The following MACROD2 variants were observed in gnomAD, a reference collection of about 807,000 sequenced individuals.
The protein encoded by MACROD2 is mono-ADP ribosylhydrolase 2, also known as ADP-ribose glycohydrolase MACROD2.
MACROD2 carries 36 observed loss-of-function variants against 70.4 expected under a neutral mutation model. The ratio of observed to expected loss-of-function variants is 0.51; its 90% confidence interval spans 0.39 to 0.68. The LOEUF is 0.68. MACROD2 is among the 30% of genes least tolerant of loss of function. The pLI, the probability that MACROD2 is intolerant of heterozygous loss-of-function variation, is 0.00. For missense variants in MACROD2, 496 were observed against 538.4 expected (o/e 0.92, Z 0.78); for synonymous variants, 172 against 178.8 (o/e 0.96, Z 0.30).
chr20:15,020,905 A>G (rs1201568560), intron 5 of MACROD2, among the ~76,000 whole-genome samples: 1 of 151,296 alleles, frequency 6.6e-6, no homozygotes, highest in Admixed American at 6.6e-5. Flanking sequence ...GAAAAGGGAA[A>G]ACTATAGGAG....
chr20:14,433,568 G>T (rs2084020165), intron 3 of MACROD2, among the ~76,000 whole-genome samples: 1 of 152,150 alleles, frequency 6.6e-6, no homozygotes, highest in Non-Finnish European at 1.5e-5. Context: ...TCAGATGGAA[G>T]TTTGGTCATT....
chr20:15,955,403 A>ATGTACCATTGG (rs2065962438), intron 12 of MACROD2, among the ~76,000 whole-genome samples: 1 of 152,150 alleles, frequency 6.6e-6, no homozygotes, highest in Non-Finnish European at 1.5e-5. Flanking sequence ...GCTGTTACAA[A>ATGTACCATTGG]TGTACCATTC....
At chr20:14,857,930 C>T (rs1421960737) in intron 5 of MACROD2, among the ~76,000 whole-genome samples, 1 of 152,094 alleles carries the variant, frequency 6.6e-6, no homozygotes, top group East Asian at 1.9e-4. Context: ...AAGCGATTCT[C>T]CTGCCTCAGC....
intron 6 of MACROD2, among the ~76,000 whole-genome samples, chr20:15,230,405 G>C (rs1448070353): frequency 6.6e-6 from 1 of 152,154 alleles, no homozygotes; most frequent in Non-Finnish European, 1.5e-5. Context: ...TGCTGAGTTT[G>C]TTATGATAGC....
intron 5 of MACROD2, among the ~76,000 whole-genome samples, chr20:14,718,817 T>C (rs2071428306): frequency 6.6e-6 from 1 of 152,232 alleles, no homozygotes; most frequent in Admixed American, 6.5e-5. Flanking sequence ...TCAGTTCTAA[T>C]GTAGTATGTT....
intron 5 of MACROD2, among the ~76,000 whole-genome samples, chr20:14,975,159 A>G (rs989491491): frequency 1.3e-5 from 2 of 152,062 alleles, no homozygotes; most frequent in African/African-American, 4.8e-5. Flanking sequence ...GCAAATATCC[A>G]CCGGGGTGAG....
chr20:14,508,939 A>G (rs935614983), intron 4 of MACROD2, among the ~76,000 whole-genome samples: 2 of 152,154 alleles, frequency 1.3e-5, no homozygotes, highest in Non-Finnish European at 2.9e-5. Flanking sequence ...ACACAATGAA[A>G]ACAACCTAAA....
intron 2 of MACROD2, among the ~76,000 whole-genome samples, chr20:14,013,674 C>CTTTTTTTTTTTTTTTTTTT (rs34386274): frequency 1.4e-5 from 1 of 70,944 alleles, no homozygotes. Context: ...TTATATTAAG[C>CTTTTTTTTTTTTTTTTTTT]TTTTTTTTTT....
intron 8 of MACROD2, among the ~76,000 whole-genome samples, chr20:15,774,756 C>A (rs1402409614): frequency 1.3e-5 from 2 of 151,948 alleles, no homozygotes; most frequent in Non-Finnish European, 2.9e-5. Flanking sequence ...AAGGAATGAA[C>A]ATATTTTGCA....
intron 5 of MACROD2, among the ~76,000 whole-genome samples, chr20:14,862,249 TAA>T (rs1343824108): frequency 4.8e-5 from 1 of 20,954 alleles, no homozygotes; most frequent in African/African-American, 1.8e-4. Flanking sequence ...ATTTATATAT[TAA>T]TATATATAAA....
At chr20:14,810,884 A>G (rs2072701841) in intron 5 of MACROD2, among the ~76,000 whole-genome samples, 1 of 152,114 alleles carries the variant, frequency 6.6e-6, no homozygotes. Context: ...CTTACAAGGG[A>G]TGTGAAGGAC....
intron 5 of MACROD2, among the ~76,000 whole-genome samples, chr20:14,826,579 A>G (rs573969770): frequency 1.1e-4 from 17 of 152,150 alleles, no homozygotes; most frequent in Admixed American, 3.3e-4. Flanking sequence ...ATTGAGTTGC[A>G]TTCTGTTTTG....
rs542447511 is a variant in MACROD2, at chr20:15,914,167, G to T, written c.776-19109G>T. Reference sequence around the variant, plus strand: ...TTTTTCTAGAATGGCTGCCCTGTATGTAATTTAGGTTTTGAAATCTTCCTT... The same window carrying T: ...TTTTTCTAGAATGGCTGCCCTGTATTTAATTTAGGTTTTGAAATCTTCCTT... On this transcript the variant is annotated intron_variant, in intron 10 of 17. Coordinates refer to ENST00000684519, the MANE Select transcript of MACROD2 (RefSeq NM_001351661.2). Among the ~76,000 whole-genome samples, 11 of 152,318 alleles carry T rather than the reference G, an allele frequency of 7.2e-5. No homozygotes were observed. In the East Asian group the frequency reaches 2.1e-3, roughly 29 times the overall value.
rs997562893 is a variant in MACROD2, at chr20:14,702,699, A to T, written c.418+17740A>T. Among the ~76,000 whole-genome samples, 9 of 139,262 alleles carry T rather than the reference A, an allele frequency of 6.5e-5. 1 individual carries two copies. Among genetic ancestry groups the T allele is most frequent in the African/African-American group, 2.4e-4 (9 of 37,888 alleles). The allele number at this position is 139,262 out of a possible 152,430, so 91.4% of individuals were successfully genotyped here. ...TACACATATATGTGTATATATATGTATATATATGTGTGTATATATATGTGT... is the reference window on the plus strand; with the variant it reads ...TACACATATATGTGTATATATATGTTTATATATGTGTGTATATATATGTGT... On this transcript the variant is annotated intron_variant, in intron 5 of 17. Transcript: ENST00000684519.
intron 6 of MACROD2, among the ~76,000 whole-genome samples, chr20:15,256,763 A>G (rs2077203080): frequency 6.6e-6 from 1 of 152,012 alleles, no homozygotes; most frequent in African/African-American, 2.4e-5. Context: ...AATGGCATGG[A>G]TATGGTATAC....
rs569402910 is a variant in MACROD2 at position 15,718,287 on chromosome 20, C to G, written c.646-144458C>G. 1.8e-3 allele frequency among the ~76,000 whole-genome samples: 273 copies of G among 152,122 alleles called. 3 individuals carry two copies. Among genetic ancestry groups the G allele is most frequent in the African/African-American group, 6.4e-3 (264 of 41,490 alleles). On this transcript the variant is annotated intron_variant, in intron 8 of 17. Transcript: ENST00000684519. ...TACAGGCATGAACCACCGTGGATGGCCTTTTATTGTGTTTTCTAAGCAAAC... is the reference window on the plus strand; with the variant it reads ...TACAGGCATGAACCACCGTGGATGGGCTTTTATTGTGTTTTCTAAGCAAAC...
chr20:15,166,682 G>T (rs1018147093), intron 5 of MACROD2, among the ~76,000 whole-genome samples: 2 of 151,452 alleles, frequency 1.3e-5, no homozygotes, highest in African/African-American at 4.8e-5. Flanking sequence ...AGATAAAAGA[G>T]AACTTCTTTA....
intron 8 of MACROD2, among the ~76,000 whole-genome samples, chr20:15,741,379 A>G (rs2051104006): frequency 2.0e-5 from 3 of 151,794 alleles, no homozygotes; most frequent in African/African-American, 4.8e-5. Context: ...GATTACAGGC[A>G]TGAGCCACTG....
chr20:15,164,163 G>A (rs909171226), intron 5 of MACROD2, among the ~76,000 whole-genome samples: 4 of 151,620 alleles, frequency 2.6e-5, no homozygotes, highest in African/African-American at 7.3e-5. Context: ...AATCAACTGT[G>A]GATAGAAAAT....
Sources: gnomAD v4.1 joint callset for allele counts (sites outside exome capture counted in the v4.1 genomes callset) on GRCh38, gnomAD v4.1.1 for gene constraint, MANE v1.5 for transcripts, NCBI Gene and HGNC (gene_info 2026-07-23, HGNC 2026-07-21) for gene names.